Variants in RPTOR observed in about 807,000 individuals in gnomAD.
RPTOR encodes regulatory-associated protein of mTOR.
RPTOR carries 21 observed loss-of-function variants against 169.9 expected under a neutral mutation model. That is an observed-to-expected ratio of 0.12 (90% CI 0.09 to 0.18). The LOEUF is 0.18. Ranked by LOEUF, RPTOR falls within the 10% of genes least tolerant of loss-of-function variation. RPTOR has a pLI of 1.00. For synonymous variants in RPTOR, 732 were observed against 753.2 expected (o/e 0.97, Z 0.46); for missense variants, 1,133 against 1,855.9 (o/e 0.61, Z 7.16).
intron 7 of RPTOR, among the ~76,000 whole-genome samples, chr17:80,818,200 C>G (rs1325657219): frequency 6.6e-6 from 1 of 152,206 alleles, no homozygotes; most frequent in Non-Finnish European, 1.5e-5. Flanking sequence ...CACGAGTCAT[C>G]CAGCCATAGC....
chr17:80,661,706 C>A (rs1286025720), intron 3 of RPTOR, among the ~76,000 whole-genome samples: 1 of 152,066 alleles, frequency 6.6e-6, no homozygotes, highest in East Asian at 1.9e-4. Context: ...CCACCCCCCG[C>A]CCCCTTTCTT....
intron 1 of RPTOR, among the ~76,000 whole-genome samples, chr17:80,621,489 C>G (rs911721582): frequency 4.6e-5 from 7 of 152,240 alleles, no homozygotes; most frequent in African/African-American, 7.2e-5. Context: ...GCCGCCTCCC[C>G]AGCCCCGAGA....
chr17:80,956,178 G>A (rs796207269), intron 28 of RPTOR, among the ~76,000 whole-genome samples: 2 of 151,912 alleles, frequency 1.3e-5, no homozygotes, highest in Non-Finnish European at 2.9e-5. Flanking sequence ...GCAGGCGCAG[G>A]GGCAGACGAT....
At chr17:80,764,197 G>A (rs1218844822) in intron 6 of RPTOR, among the ~76,000 whole-genome samples, 3 of 144,856 alleles carry the variant, frequency 2.1e-5, no homozygotes, top group African/African-American at 2.6e-5. Flanking sequence ...TTAAGTTTTA[G>A]GGTACATGTG....
intron 21 of RPTOR, among the ~76,000 whole-genome samples, chr17:80,921,804 C>T (rs1478159507): frequency 1.3e-5 from 2 of 152,184 alleles, no homozygotes; most frequent in Non-Finnish European, 2.9e-5. Context: ...GCTCCCCACC[C>T]TCCGGGAGCA....
chr17:80,913,158 C>G lies in RPTOR; in HGVS notation c.2520+4229C>G, dbSNP rs112627099. Among the ~76,000 whole-genome samples, 1,171 of 152,294 alleles carry G rather than the reference C, an allele frequency of 7.7e-3. 21 individuals carry two copies. Among genetic ancestry groups the G allele is most frequent in the African/African-American group, 0.027 (1,115 of 41,548 alleles). ...ATGCCTTATTTTCCTGCTCTAGGAACTGAAGGGATTACATTTCATTTTACA... is the reference window on the plus strand; with the variant it reads ...ATGCCTTATTTTCCTGCTCTAGGAAGTGAAGGGATTACATTTCATTTTACA... On this transcript the variant is annotated intron_variant, in intron 21 of 33. Transcript: ENST00000306801.
chr17:80,753,932 GTTACAGCTGCAGC>G, intron 5 of RPTOR, 65 bp from the exon 6 acceptor site: 1 of 1,299,702 alleles, frequency 7.7e-7, no homozygotes, highest in Non-Finnish European at 1.1e-6. Context: ...TTCCTTCTGT[GTTACAGCTGCAGC>G]TTACTATTTG....
rs573829843 is a variant in RPTOR at position 80,755,610 on chromosome 17, A to T, written c.830+1425A>T. On this transcript the variant is annotated intron_variant, in intron 6 of 33. Coordinates refer to ENST00000306801, the MANE Select transcript of RPTOR (RefSeq NM_020761.3). ...AAAAATTAGCTGGATGTGGTAGCAC[A>T]TGCCTATATTCCCAGCCACTTAGGA... is the stretch of plus-strand genomic sequence containing the variant. Among the ~76,000 whole-genome samples the T allele has an allele frequency of 2.0e-5, 3 of 152,168 alleles. No homozygotes were observed. In the East Asian group the frequency reaches 5.8e-4, roughly 29 times the overall value.
At chr17:80,743,350 C>T in intron 5 of RPTOR, 1 of 985,474 alleles carries the variant, frequency 1.0e-6, no homozygotes, top group Non-Finnish European at 1.2e-6. Flanking sequence ...AGAGAAGAAG[C>T]CACAAGGACC....
intron 20 of RPTOR, among the ~76,000 whole-genome samples, chr17:80,897,150 A>C (rs2068416831): frequency 6.6e-6 from 1 of 151,852 alleles, no homozygotes; most frequent in Non-Finnish European, 1.5e-5. Flanking sequence ...AGTCCCAGCT[A>C]CTGGAGGAGA....
intron 7 of RPTOR, among the ~76,000 whole-genome samples, chr17:80,800,163 T>C (rs1199280006): frequency 1.3e-5 from 2 of 152,186 alleles, no homozygotes; most frequent in African/African-American, 4.8e-5. Context: ...CCTGGCCTCC[T>C]CACCAGCTCA....
In RPTOR at chr17:80,551,697, G is replaced by A. The variant is rs574902844; in HGVS notation, c.162+5906G>A. Among the ~76,000 whole-genome samples the A allele has an allele frequency of 2.0e-3, 311 of 152,068 alleles. 2 individuals carry two copies. The highest frequency in any genetic ancestry group is 7.2e-3 in the African/African-American group (300 of 41,510). ...GGCAGGAGACAGATGCCTTCCTCTTGTCTCAACTGCAAGAGGCATGCCTTC... is the reference window on the plus strand; with the variant it reads ...GGCAGGAGACAGATGCCTTCCTCTTATCTCAACTGCAAGAGGCATGCCTTC... On this transcript the variant is annotated intron_variant, in intron 1 of 33. Transcript: ENST00000306801.
rs147478735 is a variant in RPTOR, at chr17:80,909,206, A to G, written c.2520+277A>G. Among the ~76,000 whole-genome samples the G allele has an allele frequency of 2.7e-3, 412 of 149,926 alleles. 1 individual carries two copies. The highest frequency in any genetic ancestry group is 9.7e-3 in the African/African-American group (395 of 40,784). On this transcript the variant is annotated intron_variant, in intron 21 of 33. Coordinates refer to ENST00000306801, the MANE Select transcript of RPTOR (RefSeq NM_020761.3). ...TTCAGGATCCTCTGGTGTCTGGGTG[A>G]GCTACAGTGCTGGCCCTTCTTCCAT... is the stretch of plus-strand genomic sequence containing the variant.
Position 80,869,453 on chromosome 17 carries a change from GC to G in RPTOR, c.1510-10956del, listed in dbSNP as rs574024134. On this transcript the variant is annotated intron_variant, in intron 13 of 33. Transcript: ENST00000306801. ...TTACAGGCGTGAGCCACTACACCTG[GC>G]CCCCCTTCTAGATTTTTAATTCAAG... is the stretch of plus-strand genomic sequence containing the variant. 3.2e-3 allele frequency among the ~76,000 whole-genome samples: 481 copies of G among 152,226 alleles called. 2 individuals carry two copies. Among genetic ancestry groups the G allele is most frequent in the Non-Finnish European group, 5.2e-3 (353 of 68,008 alleles).
At chr17:80,795,121 G>A (rs1407029888) in intron 7 of RPTOR, among the ~76,000 whole-genome samples, 1 of 152,204 alleles carries the variant, frequency 6.6e-6, no homozygotes, top group African/African-American at 2.4e-5. Flanking sequence ...CAGAGCAGAT[G>A]CAGCACACGG....
intron 7 of RPTOR, among the ~76,000 whole-genome samples, chr17:80,819,777 T>G (rs2067360542): frequency 6.6e-6 from 1 of 152,198 alleles, no homozygotes; most frequent in Non-Finnish European, 1.5e-5. Context: ...CTGTGTAACG[T>G]AGAGTGTGGA....
intron 10 of RPTOR, among the ~76,000 whole-genome samples, chr17:80,839,459 G>A (rs552282954): frequency 4.2e-4 from 64 of 152,268 alleles, no homozygotes; most frequent in African/African-American, 1.5e-3. Flanking sequence ...ATTGCAGACC[G>A]CCCCGCATTT....
At chr17:80,555,069 G>A (rs764346558) in intron 1 of RPTOR, among the ~76,000 whole-genome samples, 5 of 152,178 alleles carry the variant, frequency 3.3e-5, no homozygotes, top group South Asian at 2.1e-4. Flanking sequence ...CTTTAAGACC[G>A]TAAAGGGGCC....
At chr17:80,581,908 G>A (rs2065018355) in intron 1 of RPTOR, among the ~76,000 whole-genome samples, 1 of 152,248 alleles carries the variant, frequency 6.6e-6, no homozygotes. Context: ...AGGACCCTGA[G>A]AAACCTGGAA....
Sources: allele counts gnomAD v4.1 joint callset (sites outside exome capture counted in the v4.1 genomes callset), GRCh38; gene constraint gnomAD v4.1.1; transcripts MANE v1.5; gene names NCBI Gene and HGNC (gene_info 2026-07-23, HGNC 2026-07-21).